NDRG2: variants seen among roughly 807,000 people sequenced by gnomAD.
NDRG2 encodes protein NDRG2.
A neutral mutation model predicts 58.2 loss-of-function variants in NDRG2; 34 were observed. The observed-to-expected ratio is 0.58, with a 90% CI of 0.44 to 0.78. The LOEUF is 0.78. Ranked by LOEUF, NDRG2 falls within the 30% of genes least tolerant of loss-of-function variation. NDRG2 has a pLI of 0.00. For synonymous variants in NDRG2, 187 were observed against 175.9 expected (o/e 1.06, Z -0.50); for missense variants, 434 against 471.2 (o/e 0.92, Z 0.73).
At chr14:21,047,852 T>C (rs1031442846) in intron 1 of NDRG2, among the ~76,000 whole-genome samples, 1 of 152,084 alleles carries the variant, frequency 6.6e-6, no homozygotes, top group Non-Finnish European at 1.5e-5. Context: ...TGACTCTGGT[T>C]CCCAGAAGTC....
Position 21,030,952 on chromosome 14 carries a change from G to T in NDRG2, c.25-7631C>A, listed in dbSNP as rs201159300. Reference sequence around the variant, plus strand: ...CCAAATCTGAGTGAGGCAAGAGTTGGACCTTGGAAGGTAATGCATTCATGC... The same window carrying T: ...CCAAATCTGAGTGAGGCAAGAGTTGTACCTTGGAAGGTAATGCATTCATGC... On this transcript the variant is annotated intron_variant, in intron 1 of 14. Transcript: ENST00000403829. The T allele has an allele frequency of 1.2e-3, 1,840 of 1,558,578 alleles. 1 individual carries two copies. The highest frequency in any genetic ancestry group is 1.5e-3 in the Non-Finnish European group (1,745 of 1,153,472).
intron 1 of NDRG2, among the ~76,000 whole-genome samples, chr14:21,063,247 T>C (rs895822196): frequency 6.6e-6 from 1 of 152,200 alleles, no homozygotes; most frequent in African/African-American, 2.4e-5. Flanking sequence ...TGTGTGTGTA[T>C]ATAAACACAC....
In NDRG2 at chr14:21,070,335, G is replaced by A. The variant is rs1045673493; in HGVS notation, c.24+493C>T. The A allele has an allele frequency of 5.7e-6, 8 of 1,398,084 alleles. No individual in the cohort carries two copies. The African/African-American group carries it at 6.1e-5, about 11-fold the overall frequency. 86.6% of individuals were successfully genotyped at this position (1,398,084 alleles called of 1,614,324 possible). A position where few individuals can be genotyped will look rare whatever the true frequency, so the allele number is the denominator to read the frequency against. On this transcript the variant is annotated intron_variant, in intron 1 of 14. Transcript: ENST00000403829. This position sits in a 1 kb window ranked among gnomAD's most constrained non-coding sequence, Gnocchi z 4.7. ...GGCGAGACACGAGCGGCGGGAGGGAGGCGGTGGCGCGCCCGGCCCCGCCCG... is the reference window on the plus strand; with the variant it reads ...GGCGAGACACGAGCGGCGGGAGGGAAGCGGTGGCGCGCCCGGCCCCGCCCG...
chr14:21,019,007 G>A, intron 11 of NDRG2, 109 bp downstream of exon 11: 3 of 1,319,660 alleles, frequency 2.3e-6, no homozygotes, highest in Middle Eastern at 1.9e-4. Context: ...GGATGGGGTG[G>A]GACATGACAA....
chr14:21,032,472 G>A (rs1884286357), intron 1 of NDRG2: 2 of 390,588 alleles, frequency 5.1e-6, no homozygotes, highest in Admixed American at 3.1e-5. Flanking sequence ...CTCACGTGAT[G>A]GACTATGACT....
chr14:21,070,264 C>CG lies in NDRG2; in HGVS notation c.24+563dup. On this transcript the variant is annotated intron_variant, in intron 1 of 14. Coordinates refer to the NDRG2 transcript ENST00000403829. This position sits in a 1 kb window ranked among gnomAD's most constrained non-coding sequence, Gnocchi z 4.7. ...GGGCCCCGCGGCCTGGAAGCCGGAG[C>CG]GGGCCGAGCCGCCACCGCGGCCGGA... 1.0e-6 allele frequency: 1 copy of CG among 982,628 alleles called. No homozygotes were observed. The highest frequency in any genetic ancestry group is 1.3e-6 in the Non-Finnish European group (1 of 774,558). The allele number at this position is 982,628 out of a possible 1,614,324, so 60.9% of individuals were successfully genotyped here.
At chr14:21,021,746 C>T in intron 6 of NDRG2, 71 bp downstream of exon 6, 17 of 1,516,784 alleles carry the variant, frequency 1.1e-5, no homozygotes, top group Non-Finnish European at 1.5e-5. Flanking sequence ...CCACGGTGAA[C>T]CTGGAAGTTC....
upstream of NDRG2, chr14:21,030,122 C>A (rs919887837): frequency 1.3e-5 from 2 of 154,752 alleles, no homozygotes; most frequent in African/African-American, 4.8e-5. Flanking sequence ...AAAGCCCCCT[C>A]CTTTGAAGGC....
intron 1 of NDRG2, among the ~76,000 whole-genome samples, chr14:21,039,057 T>A (rs561852309): frequency 5.9e-5 from 9 of 152,354 alleles, no homozygotes; most frequent in African/African-American, 1.9e-4. Context: ...GGAAGGGAAC[T>A]CTCACGGGCT....
rs778755127 is a variant in NDRG2 at position 21,018,049 on chromosome 14, A to T, written c.898-11T>A. On this transcript the variant is annotated splice_polypyrimidine_tract_variant and intron_variant, in intron 14 of 15. Coordinates refer to ENST00000556147, the MANE Select transcript of NDRG2 (RefSeq NM_001320329.2). ...GGTCAGCTTGCCTGGCTGCGGAAGT[A>T]AGAAGAGGCGAGGGAGACGGTGAGA... is the stretch of plus-strand genomic sequence containing the variant. 6.2e-7 allele frequency: 1 copy of T among 1,613,660 alleles called. No individual in the cohort carries two copies. Among genetic ancestry groups the T allele is most frequent in the Non-Finnish European group, 8.5e-7 (1 of 1,179,568 alleles).
chr14:21,041,812 AT>A (rs1323212308), intron 1 of NDRG2, among the ~76,000 whole-genome samples: 2 of 152,182 alleles, frequency 1.3e-5, no homozygotes, highest in Non-Finnish European at 2.9e-5. Flanking sequence ...TCATTGTGGA[AT>A]GGCTTCGCTA....
Position 21,070,238 on chromosome 14 carries a change from G to A in NDRG2, c.24+590C>T. On this transcript the variant is annotated intron_variant, in intron 1 of 14. Transcript: ENST00000403829. This position sits in a 1 kb window ranked among gnomAD's most constrained non-coding sequence, Gnocchi z 4.7. Reference sequence around the variant, plus strand: ...GGCGGCCGTCTCGGCCCTCCCTGGCGGGGCCCCGCGGCCTGGAAGCCGGAG... The same window carrying A: ...GGCGGCCGTCTCGGCCCTCCCTGGCAGGGCCCCGCGGCCTGGAAGCCGGAG... 4.2e-6 allele frequency: 3 copies of A among 708,478 alleles called. No homozygotes were observed. The highest frequency in any genetic ancestry group is 5.6e-6 in the Non-Finnish European group (3 of 532,508). The allele number at this position is 708,478 out of a possible 1,614,324, so 43.9% of individuals were successfully genotyped here. A position where few individuals can be genotyped will look rare whatever the true frequency, so the allele number is the denominator to read the frequency against.
intron 1 of NDRG2, among the ~76,000 whole-genome samples, chr14:21,046,393 A>T (rs1301194016): frequency 6.6e-6 from 1 of 152,008 alleles, no homozygotes. Context: ...ATGATGACAC[A>T]TGCCTGTAGT....
chr14:21,034,545 A>G, intron 1 of NDRG2: 1 of 470,426 alleles, frequency 2.1e-6, no homozygotes, highest in Non-Finnish European at 3.8e-6. Flanking sequence ...CTACATTTGC[A>G]GAATAAGAGC....
intron 1 of NDRG2, among the ~76,000 whole-genome samples, chr14:21,049,062 G>T (rs1218588866): frequency 1.3e-5 from 2 of 152,206 alleles, no homozygotes; most frequent in African/African-American, 4.8e-5. Flanking sequence ...TGAATCCAAA[G>T]ATATGAAAAT....
At chr14:21,021,498 T>C (rs1880292851) in intron 6 of NDRG2, 1 of 378,512 alleles carries the variant, frequency 2.6e-6, no homozygotes, top group Non-Finnish European at 4.9e-6. Context: ...GACAGGTCTA[T>C]CTGGTTCCTC....
chr14:21,062,946 T>G (rs1267194816), intron 1 of NDRG2, among the ~76,000 whole-genome samples: 1 of 117,848 alleles, frequency 8.5e-6, no homozygotes, highest in Non-Finnish European at 1.7e-5. Context: ...AGACCTTGTC[T>G]CTAAAAAAAA....
intron 1 of NDRG2, chr14:21,023,609 C>A: frequency 2.5e-6 from 1 of 397,194 alleles, no homozygotes; most frequent in Non-Finnish European, 4.7e-6. Context: ...TGCCCTGGAC[C>A]AAAATACCAG....
intron 1 of NDRG2, chr14:21,032,805 CA>C: frequency 1.0e-5 from 4 of 383,222 alleles, no homozygotes; most frequent in South Asian, 7.9e-5. Flanking sequence ...AATTAAATCA[CA>C]ACAGAGTCAG....
Sources: allele counts gnomAD v4.1 joint callset (sites outside exome capture counted in the v4.1 genomes callset), GRCh38; gene constraint gnomAD v4.1.1; non-coding constraint Gnocchi (gnomAD v3.1); transcripts MANE v1.5; gene names NCBI Gene and HGNC (gene_info 2026-07-23, HGNC 2026-07-21).